The following KPNB1 variants were observed in gnomAD, a reference collection of about 807,000 sequenced individuals.
KPNB1 encodes karyopherin subunit beta 1, also known as importin subunit beta-1.
A neutral mutation model predicts 113.0 loss-of-function variants in KPNB1; 7 were observed. The ratio of observed to expected loss-of-function variants is 0.06; its 90% CI spans 0.04 to 0.12. KPNB1 has a LOEUF of 0.12. KPNB1 is among the 10% of genes least tolerant of loss of function. The pLI is 1.00. For synonymous variants in KPNB1, 363 were observed against 378.6 expected, an observed-to-expected ratio of 0.96 and a Z score of 0.48; for missense variants, 400 against 1,054.8, an observed-to-expected ratio of 0.38 and a Z score of 8.60.
chr17:47,655,419 A>G (rs1915690379), intron 3 of KPNB1, among the ~76,000 whole-genome samples: 1 of 152,258 alleles, frequency 6.6e-6, no homozygotes, highest in African/African-American at 2.4e-5. Flanking sequence ...TTGGGCAAAC[A>G]GAACAAATCC....
Position 47,658,653 on chromosome 17 carries a change from A to G in KPNB1, c.629A>G (p.Asp210Gly). 6.2e-7 allele frequency: 1 copy of G among 1,612,848 alleles called. No homozygotes were observed. The highest frequency in any genetic ancestry group is 8.5e-7 in the Non-Finnish European group (1 of 1,179,526). The change falls in exon 5 of 22, where the codon GAT (aspartate) becomes GGT (glycine). Residue 210 changes from aspartate to glycine, a missense_variant. Asp to Gly is a moderately conservative substitution (Grantham distance 94). This residue lies in a region of KPNB1 where 285 missense variants were observed against 627.0 expected (regional missense o/e 0.45). Transcript: ENST00000290158. ...NSLEFTKANF[D>G]KESERHFIMQ... ...TTGGAGTTCACCAAAGCAAACTTTG[A>G]TAAAGAGGTAAGTTTTTTGACAATA...
At position 47,675,378 on chromosome 17, in the gene KPNB1, TTTTTTTGTTTG is replaced by T. The variant is rs200952622; in HGVS notation, c.1912+603_1912+613del. Among the ~76,000 whole-genome samples, 202 of 113,522 alleles carry T rather than the reference TTTTTTTGTTTG, an allele frequency of 1.8e-3. 23 individuals carry two copies. The highest frequency in any genetic ancestry group is 3.5e-3 in the African/African-American group (87 of 24,744). The allele number at this position is 113,522 out of a possible 152,430, so 74.5% of individuals were successfully genotyped here. A position where few individuals can be genotyped will look rare whatever the true frequency, so the allele number is the denominator to read the frequency against. ...GAGGTGTTGTTTTTTTTTTGTTTTT[TTTTTTTGTTTG>T]TTTTTTTTTTGAGACTTGTTCTGTT... On this transcript the variant is annotated intron_variant, in intron 15 of 21. Coordinates refer to ENST00000290158, the MANE Select transcript of KPNB1 (RefSeq NM_002265.6).
At position 47,661,136 on chromosome 17, in the gene KPNB1, T is replaced by C; in HGVS notation, c.654T>C (p.Ile218=). The C allele has an allele frequency of 1.2e-6, 2 of 1,613,304 alleles. No homozygotes were observed. Among genetic ancestry groups the C allele is most frequent in the Non-Finnish European group, 1.7e-6 (2 of 1,179,228 alleles). The change falls in exon 6 of 22, where the codon ATT becomes ATC. Residue 218 remains isoleucine, a synonymous_variant. Coordinates refer to ENST00000290158, the MANE Select transcript of KPNB1 (RefSeq NM_002265.6). ...NFDKESERHF[I]MQVVCEATQC... ...TCCTACAGTCTGAAAGGCACTTTAT[T>C]ATGCAGGTGGTCTGTGAAGCCACAC...
chr17:47,670,976 C>G, intron 12 of KPNB1, 144 bp downstream of exon 12: 1 of 785,484 alleles, frequency 1.3e-6, no homozygotes. Context: ...AAGAAACCCG[C>G]TGGGCGCGGT....
Position 47,674,759 on chromosome 17 carries a change from T to C in KPNB1, c.1889T>C (p.Met630Thr), listed in dbSNP as rs1268389323. The change falls in exon 15 of 22, where the codon ATG (methionine) becomes ACG (threonine). Residue 630 changes from methionine (M) to threonine (T), a missense_variant. Met to Thr is a moderately conservative substitution (Grantham distance 81, BLOSUM62 -1). Transcript: ENST00000290158. ...GSGGVQEDAL[M>T]AVSTLVEVLG... ...GGGGGAGTACAAGAGGATGCCCTGA[T>C]GGCAGTTAGCACACTGGTGGAAGGT... 1 of 1,613,068 alleles carries C rather than the reference T, an allele frequency of 6.2e-7. No individual in the cohort carries two copies. The highest frequency in any genetic ancestry group is 8.5e-7 in the Non-Finnish European group (1 of 1,179,690).
At chr17:47,654,889 C>T (rs1915677175) in intron 3 of KPNB1, among the ~76,000 whole-genome samples, 2 of 152,196 alleles carry the variant, frequency 1.3e-5, no homozygotes, top group Admixed American at 6.5e-5. Context: ...CCCCCTCATT[C>T]CCTCGTGTCT....
At chr17:47,675,480 A>G (rs1330086658) in intron 15 of KPNB1, among the ~76,000 whole-genome samples, 5 of 150,070 alleles carry the variant, frequency 3.3e-5, no homozygotes, top group East Asian at 2.0e-4. Context: ...GGTTCAAGCA[A>G]TTCTCCTGCC....
rs543411999 is a variant in KPNB1 at position 47,685,486 on chromosome 17, C to T, written c.*3082C>T. On this transcript the variant is annotated 3_prime_UTR_variant, in exon 22 of 22. Coordinates refer to ENST00000290158, the MANE Select transcript of KPNB1 (RefSeq NM_002265.6). ...CCACCTTTATCTTCTAAATAAAGTC[C>T]GCTTTATTTTTATTTTCAACATCTT... is the stretch of plus-strand genomic sequence containing the variant. 6.6e-5 allele frequency: 10 copies of T among 151,338 alleles called. No homozygotes were observed. The highest frequency in any genetic ancestry group is 9.7e-5 in the African/African-American group (4 of 41,116). The allele number at this position is 151,338 out of a possible 1,614,324, so 9.4% of individuals were successfully genotyped here. A position where few individuals can be genotyped will look rare whatever the true frequency, so the allele number is the denominator to read the frequency against.
intron 19 of KPNB1, 162 bp from the exon 20 acceptor site, chr17:47,679,858 G>A (rs1026972846): frequency 7.2e-5 from 37 of 515,502 alleles, no homozygotes; most frequent in Middle Eastern, 5.8e-4. Flanking sequence ...CACCACGCCC[G>A]GCTAATTTTT....
At chr17:47,653,216 A>G (rs1915627327) in intron 3 of KPNB1, among the ~76,000 whole-genome samples, 1 of 149,868 alleles carries the variant, frequency 6.7e-6, no homozygotes, top group Non-Finnish European at 1.5e-5. Context: ...GTTAATAGGT[A>G]TTTCCAAGCT....
chr17:47,673,609 A>G (rs1441007184), intron 14 of KPNB1, 48 bp downstream of exon 14: 1 of 1,343,562 alleles, frequency 7.4e-7, no homozygotes, highest in Non-Finnish European at 1.1e-6. Flanking sequence ...GAGAATTATT[A>G]GTATCTCAGT....
intron 7 of KPNB1, 55 bp from the exon 8 acceptor site, chr17:47,664,104 A>T: frequency 9.1e-7 from 1 of 1,093,222 alleles, no homozygotes; most frequent in Non-Finnish European, 1.4e-6. Flanking sequence ...GGGTTGGGGC[A>T]GGGACTCACT....
intron 5 of KPNB1, among the ~76,000 whole-genome samples, chr17:47,659,554 A>G (rs980206476): frequency 6.6e-6 from 1 of 152,070 alleles, no homozygotes; most frequent in Non-Finnish European, 1.5e-5. Context: ...GGAGTTTGAG[A>G]CTAGCCTGTG....
At chr17:47,658,934 T>G (rs2030001149) in intron 5 of KPNB1, among the ~76,000 whole-genome samples, 1 of 152,154 alleles carries the variant, frequency 6.6e-6, no homozygotes, top group South Asian at 2.1e-4. Flanking sequence ...TTTTAAATTA[T>G]AGGGCATGGT....
intron 6 of KPNB1, among the ~76,000 whole-genome samples, chr17:47,662,639 T>C (rs2030139959): frequency 6.6e-6 from 1 of 151,898 alleles, no homozygotes; most frequent in Non-Finnish European, 1.5e-5. Context: ...CCTAGCACTT[T>C]AGGTGGCCGA....
intron 20 of KPNB1, 134 bp downstream of exon 20, chr17:47,680,268 G>A (rs1039047394): frequency 2.6e-6 from 2 of 769,004 alleles, no homozygotes; most frequent in African/African-American, 1.7e-5. Context: ...TTTGCAGAAC[G>A]CTTCATGTCC....
At position 47,650,153 on chromosome 17, in the gene KPNB1, C is replaced by T; in HGVS notation, c.-92C>T. On this transcript the variant is annotated 5_prime_UTR_variant, in exon 1 of 22. Coordinates refer to ENST00000290158, the MANE Select transcript of KPNB1 (RefSeq NM_002265.6). ...CCCCCCACCCCACCCTCCCTTCCCA[C>T]CCGACCCCCAACCCCCATCCCCAGT... 3 of 760,450 alleles carry T rather than the reference C, an allele frequency of 3.9e-6. No individual in the cohort carries two copies. The highest frequency in any genetic ancestry group is 4.7e-5 in the South Asian group (2 of 42,954). 47.1% of individuals were successfully genotyped at this position (760,450 alleles called of 1,614,324 possible).
chr17:47,664,281 A>G lies in KPNB1; in HGVS notation c.897+12A>G, dbSNP rs745610794. ...TTGAAGCTTCAGAGGTGAGCTGGGG[A>G]GAACTATTACTCTGAATACGCTTTG... On this transcript the variant is annotated intron_variant, in intron 8 of 21. Transcript: ENST00000290158. The G allele has an allele frequency of 6.0e-6, 9 of 1,503,890 alleles. No homozygotes were observed. The highest frequency in any genetic ancestry group is 1.4e-5 in the African/African-American group (1 of 72,776). The allele number at this position is 1,503,890 out of a possible 1,614,324, so 93.2% of individuals were successfully genotyped here.
intron 6 of KPNB1, among the ~76,000 whole-genome samples, chr17:47,662,535 CA>C (rs2030134574): frequency 6.7e-6 from 1 of 150,310 alleles, no homozygotes; most frequent in Admixed American, 6.6e-5. Context: ...TGATCATGGC[CA>C]CTATACTTGC....
Sources: allele counts gnomAD v4.1 joint callset (sites outside exome capture counted in the v4.1 genomes callset), GRCh38; gene constraint gnomAD v4.1.1; regional missense constraint gnomAD v4.1.1; transcripts MANE v1.5; gene names NCBI Gene and HGNC (gene_info 2026-07-23, HGNC 2026-07-21).